The following TSGA10 variants were observed in gnomAD, a reference collection of about 807,000 sequenced individuals.
TSGA10 encodes the protein testis specific 10.
Under a neutral mutation model 96.6 loss-of-function variants are expected in TSGA10, and 43 were observed. That is an observed-to-expected ratio of 0.44 (90% confidence interval 0.35 to 0.57). TSGA10 has a LOEUF of 0.57. Among genes scored for constraint, TSGA10 ranks in the 20% least tolerant of loss-of-function variants. The pLI is 0.01. For missense variants in TSGA10, 703 were observed against 834.4 expected (o/e 0.84, Z 1.94); for synonymous variants, 229 against 269.9 (o/e 0.85, Z 1.48).
chr2:99,119,145 T>C (rs1460453396), intron 2 of TSGA10, among the ~76,000 whole-genome samples: 1 of 152,196 alleles, frequency 6.6e-6, no homozygotes, highest in Non-Finnish European at 1.5e-5. Flanking sequence ...AAAAACAAAG[T>C]TGTCTTCAAA....
In TSGA10 at chr2:98,998,093, A is replaced by G; in HGVS notation, c.*104T>C. On this transcript the variant is annotated 3_prime_UTR_variant, in exon 21 of 21. Coordinates refer to ENST00000393483, the MANE Select transcript of TSGA10 (RefSeq NM_025244.4). Reference sequence around the variant, plus strand: ...GACACAAAGTTAATAAATACATTTAACATTGCCAAGCATTTAAAAGATAAA... The same window carrying G: ...GACACAAAGTTAATAAATACATTTAGCATTGCCAAGCATTTAAAAGATAAA... 1 of 958,000 alleles carries G rather than the reference A, an allele frequency of 1.0e-6. No individual in the cohort carries two copies. The allele number at this position is 958,000 out of a possible 1,614,324, so 59.3% of individuals were successfully genotyped here.
intron 1 of TSGA10, among the ~76,000 whole-genome samples, chr2:99,128,370 CCTAA>C (rs1446123153): frequency 6.6e-6 from 1 of 152,226 alleles, no homozygotes; most frequent in African/African-American, 2.4e-5. Flanking sequence ...GGACTGAACT[CCTAA>C]CTACCATTTC....
chr2:99,064,350 T>C (rs1281356925), intron 16 of TSGA10, among the ~76,000 whole-genome samples: 2 of 152,206 alleles, frequency 1.3e-5, no homozygotes, highest in African/African-American at 4.8e-5. Flanking sequence ...TCAAAATAGA[T>C]GTGTCAAAAT....
chr2:99,046,143 T>C (rs1343185452), intron 16 of TSGA10, among the ~76,000 whole-genome samples: 2 of 152,094 alleles, frequency 1.3e-5, no homozygotes, highest in Non-Finnish European at 2.9e-5. Context: ...AACACCCCAC[T>C]GTCAACATTA....
chr2:99,051,602 G>T (rs1034390836), intron 16 of TSGA10, among the ~76,000 whole-genome samples: 1 of 151,870 alleles, frequency 6.6e-6, no homozygotes, highest in Non-Finnish European at 1.5e-5. Context: ...GTAAATAGAA[G>T]ACTTAAACAA....
intron 16 of TSGA10, among the ~76,000 whole-genome samples, chr2:99,049,122 A>G (rs2083117022): frequency 1.3e-5 from 2 of 152,198 alleles, no homozygotes; most frequent in South Asian, 4.1e-4. Context: ...ATGCTTTTAC[A>G]CTGTTGGTGG....
rs141318872 is a variant in TSGA10, at chr2:98,999,621, AAAG to A, written c.2073-1403_2073-1401del. 2.1e-3 allele frequency among the ~76,000 whole-genome samples: 326 copies of A among 152,384 alleles called. 10 individuals are homozygous for A. The East Asian group carries it at 0.055, about 26-fold the overall frequency. Reference sequence around the variant, plus strand: ...AGCCAAAAGAAATTTGTTAAAAAGCAAAGAAGACTGATCAAATGAAGAAATACA... The same window carrying A: ...AGCCAAAAGAAATTTGTTAAAAAGCAAAGACTGATCAAATGAAGAAATACA... On this transcript the variant is annotated intron_variant, in intron 20 of 20. Coordinates refer to ENST00000393483, the MANE Select transcript of TSGA10 (RefSeq NM_025244.4).
intron 16 of TSGA10, among the ~76,000 whole-genome samples, chr2:99,061,504 T>C (rs1335792554): frequency 6.6e-6 from 1 of 152,200 alleles, no homozygotes; most frequent in African/African-American, 2.4e-5. Flanking sequence ...TTAGTTATTT[T>C]TAAATGTACA....
intron 12 of TSGA10, 109 bp from the exon 13 acceptor site, chr2:99,073,182 T>G: frequency 1.4e-6 from 1 of 690,080 alleles, no homozygotes. Context: ...TCCATTTGGT[T>G]TTAAAAACAT....
intron 10 of TSGA10, among the ~76,000 whole-genome samples, chr2:99,096,001 C>T (rs1007152797): frequency 6.6e-5 from 10 of 152,212 alleles, no homozygotes; most frequent in African/African-American, 2.4e-4. Flanking sequence ...CCATGCAGGA[C>T]CACAAAAATG....
intron 9 of TSGA10, 99 bp from the exon 10 acceptor site, chr2:99,104,217 G>A (rs2091087560): frequency 7.5e-7 from 1 of 1,339,564 alleles, no homozygotes; most frequent in Non-Finnish European, 1.0e-6. Context: ...TTTATGGCAA[G>A]ACTGACAGGA....
At chr2:99,087,679 CAG>C (rs1428485851) in intron 10 of TSGA10, among the ~76,000 whole-genome samples, 1 of 152,046 alleles carries the variant, frequency 6.6e-6, no homozygotes, top group Non-Finnish European at 1.5e-5. Context: ...CGGAATAAGA[CAG>C]TGTCTCTAGA....
intron 4 of TSGA10, among the ~76,000 whole-genome samples, chr2:99,114,320 C>G (rs1009586014): frequency 3.3e-5 from 5 of 152,296 alleles, no homozygotes; most frequent in Admixed American, 3.3e-4. Flanking sequence ...GATGACAACA[C>G]ACACTGGAGT....
At chr2:99,152,520 G>A (rs1172189950) in intron 1 of TSGA10, among the ~76,000 whole-genome samples, 1 of 152,166 alleles carries the variant, frequency 6.6e-6, no homozygotes, top group African/African-American at 2.4e-5. Flanking sequence ...CCTGGCCTCA[G>A]GTGATCCTCC....
intron 20 of TSGA10, among the ~76,000 whole-genome samples, chr2:99,010,526 T>C (rs1194634728): frequency 6.6e-6 from 1 of 152,056 alleles, no homozygotes; most frequent in Non-Finnish European, 1.5e-5. Flanking sequence ...ATGAAAGAGA[T>C]TTATGGAGTC....
intron 16 of TSGA10, among the ~76,000 whole-genome samples, chr2:99,061,518 A>T (rs2084685153): frequency 6.6e-6 from 1 of 152,170 alleles, no homozygotes; most frequent in Non-Finnish European, 1.5e-5. Flanking sequence ...ATGTACAATA[A>T]ATTACTGTTG....
intron 1 of TSGA10, among the ~76,000 whole-genome samples, chr2:99,146,597 A>G (rs1214552919): frequency 6.6e-6 from 1 of 152,126 alleles, no homozygotes; most frequent in Non-Finnish European, 1.5e-5. Flanking sequence ...CAGTTCTGCC[A>G]TTCACATTTA....
intron 1 of TSGA10, among the ~76,000 whole-genome samples, chr2:99,133,474 T>G (rs1361046090): frequency 2.0e-5 from 3 of 152,216 alleles, no homozygotes; most frequent in Non-Finnish European, 4.4e-5. Context: ...TGAGCCTATG[T>G]GTGTCTTTGC....
At chr2:99,060,829 A>C (rs1212650446) in intron 16 of TSGA10, among the ~76,000 whole-genome samples, 1 of 152,180 alleles carries the variant, frequency 6.6e-6, no homozygotes, top group Admixed American at 6.5e-5. Flanking sequence ...TCAATGATGA[A>C]ATAAGTCTTT....
Sources: gnomAD v4.1 joint callset for allele counts (sites outside exome capture counted in the v4.1 genomes callset) on GRCh38, gnomAD v4.1.1 for gene constraint, MANE v1.5 for transcripts, NCBI Gene and HGNC (gene_info 2026-07-23, HGNC 2026-07-21) for gene names.